The following PRLR variants were observed in gnomAD, a reference collection of about 807,000 sequenced individuals.
PRLR encodes the protein prolactin receptor, also known as hPRL receptor.
Under a neutral mutation model 40.2 loss-of-function variants are expected in PRLR, and 13 were observed. The ratio of observed to expected loss-of-function variants is 0.32; its 90% CI spans 0.21 to 0.51. PRLR has a LOEUF of 0.51. PRLR is among the 20% of genes least tolerant of loss of function. The pLI is 0.97. For missense variants in PRLR, 656 were observed against 747.3 expected (o/e 0.88, Z 1.42); for synonymous variants, 269 against 278.7 (o/e 0.97, Z 0.35).
At chr5:35,169,328 A>C (rs918011835) in intron 1 of PRLR, among the ~76,000 whole-genome samples, 5 of 152,202 alleles carry the variant, frequency 3.3e-5, no homozygotes, top group African/African-American at 1.2e-4. Context: ...TCAGTAAGGC[A>C]AAAATATACT....
chr5:35,224,988 T>C (rs1458866294), intron 1 of PRLR, among the ~76,000 whole-genome samples: 1 of 152,204 alleles, frequency 6.6e-6, no homozygotes, highest in Non-Finnish European at 1.5e-5. Context: ...TGGGACTACT[T>C]TTTGTTCATG....
intron 9 of PRLR, 100 bp downstream of exon 9, chr5:35,068,116 A>G (rs765887535): frequency 5.2e-6 from 6 of 1,158,458 alleles, no homozygotes; most frequent in Non-Finnish European, 6.5e-6. Context: ...AGGCTGGCTG[A>G]AACTACCAGG....
chr5:35,077,281 G>C (rs2112425192), intron 5 of PRLR, among the ~76,000 whole-genome samples: 1 of 152,266 alleles, frequency 6.6e-6, no homozygotes, highest in African/African-American at 2.4e-5. Flanking sequence ...ACCCATCAGT[G>C]TGCTGTATTC....
chr5:35,212,433 A>T (rs1352826432), intron 1 of PRLR, among the ~76,000 whole-genome samples: 2 of 152,248 alleles, frequency 1.3e-5, no homozygotes, highest in Non-Finnish European at 2.9e-5. Context: ...AGATTAGTTG[A>T]AATTAAGGTC....
chr5:35,102,074 C>T (rs1028270241), intron 2 of PRLR, among the ~76,000 whole-genome samples: 4 of 151,980 alleles, frequency 2.6e-5, no homozygotes, highest in South Asian at 2.1e-4. Context: ...GTGATCTACC[C>T]GCCTCGGCCT....
chr5:35,193,045 G>C (rs889994527), intron 1 of PRLR, among the ~76,000 whole-genome samples: 3 of 152,156 alleles, frequency 2.0e-5, no homozygotes, highest in African/African-American at 7.2e-5. Flanking sequence ...AGGAGCAACA[G>C]AGTCACCATG....
chr5:35,049,232 T>G (rs1159615217), exon 9 of PRLR: 2 of 702,538 alleles, frequency 2.8e-6, no homozygotes, highest in Middle Eastern at 2.3e-4. Context: ...GTCCTGTGGT[T>G]GGACAGAGGG....
At chr5:35,210,128 A>C (rs193238371) in intron 1 of PRLR, among the ~76,000 whole-genome samples, 6 of 152,304 alleles carry the variant, frequency 3.9e-5, no homozygotes, top group Admixed American at 2.6e-4. Context: ...GCAGGTACTG[A>C]GAAAATTTTA....
chr5:35,185,085 C>T (rs1338755477), intron 1 of PRLR, among the ~76,000 whole-genome samples: 1 of 152,230 alleles, frequency 6.6e-6, no homozygotes, highest in Non-Finnish European at 1.5e-5. Flanking sequence ...TAGCTTTCAG[C>T]TCTCCTTGGG....
chr5:35,106,557 G>C (rs1475838440), intron 2 of PRLR, among the ~76,000 whole-genome samples: 2 of 151,934 alleles, frequency 1.3e-5, no homozygotes, highest in Non-Finnish European at 2.9e-5. Context: ...GGAAAACAAA[G>C]AAAAGCAGGA....
intron 1 of PRLR, among the ~76,000 whole-genome samples, chr5:35,229,120 T>G (rs1012396474): frequency 1.4e-5 from 2 of 147,742 alleles, no homozygotes; most frequent in African/African-American, 4.9e-5. Flanking sequence ...ATATATTATA[T>G]ATATTTCTAT....
intron 5 of PRLR, among the ~76,000 whole-genome samples, chr5:35,078,515 A>G (rs570970142): frequency 1.5e-3 from 229 of 152,236 alleles, no homozygotes; most frequent in Non-Finnish European, 2.9e-3. Context: ...AAGAAGTTGA[A>G]TCTCTGAATA....
intron 9 of PRLR, among the ~76,000 whole-genome samples, chr5:35,067,615 TG>T (rs1769461705): frequency 6.6e-6 from 1 of 152,214 alleles, no homozygotes; most frequent in Non-Finnish European, 1.5e-5. Context: ...AAAGCCAAAC[TG>T]AAACTATTTA....
chr5:35,157,432 T>C (rs1196563267), intron 1 of PRLR, among the ~76,000 whole-genome samples: 1 of 152,194 alleles, frequency 6.6e-6, no homozygotes, highest in Non-Finnish European at 1.5e-5. Context: ...TCCTGGTTGA[T>C]GAGACAACCC....
In PRLR at chr5:35,065,686, G is replaced by T; in HGVS notation, c.1272C>A (p.His424Gln). The change falls in exon 10 of 10, where the codon CAC becomes CAA. Residue 424 changes from histidine to glutamine, a missense_variant. Around this residue, in one of 3 missense-constraint regions of PRLR, gnomAD observed 469 missense variants for 491.5 expected, o/e 0.95. Coordinates refer to ENST00000618457, the MANE Select transcript of PRLR (RefSeq NM_000949.7). ...STWPLPQPSQ[H>Q]NPRSSYHNIT... ...TATTGTGGTAAGAGGATCTGGGGTT[G>T]TGCTGGCTGGGCTGTGGTAAGGGCC... is the stretch of plus-strand genomic sequence containing the variant. 1.2e-6 allele frequency: 2 copies of T among 1,614,202 alleles called. No individual in the cohort carries two copies. The highest frequency in any genetic ancestry group is 1.7e-6 in the Non-Finnish European group (2 of 1,180,024).
At chr5:35,108,618 G>T (rs1299793695) in intron 2 of PRLR, among the ~76,000 whole-genome samples, 5 of 152,134 alleles carry the variant, frequency 3.3e-5, no homozygotes, top group Non-Finnish European at 7.3e-5. Context: ...ATTCACAATT[G>T]CTTCAAAGAG....
At chr5:35,104,714 G>C (rs1375161582) in intron 2 of PRLR, among the ~76,000 whole-genome samples, 3 of 152,158 alleles carry the variant, frequency 2.0e-5, no homozygotes, top group African/African-American at 7.2e-5. Context: ...GGTAAACAAA[G>C]AGGCCAGGAA....
chr5:35,125,005 A>G (rs1773410230), intron 1 of PRLR, among the ~76,000 whole-genome samples: 1 of 152,214 alleles, frequency 6.6e-6, no homozygotes, highest in South Asian at 2.1e-4. Context: ...AGGCCACAGT[A>G]CTGGTTATTA....
rs187100643 is a variant in PRLR, at chr5:35,134,556, C to T, written c.-105-16434G>A. On this transcript the variant is annotated intron_variant, in intron 1 of 9. Transcript: ENST00000618457. The stretch of plus-strand genomic sequence containing the variant: ...AAAAACATTGCTTGACTACACGATG[C>T]CAAAATGCTGGTCTGTTGTTTTGAC... Among the ~76,000 whole-genome samples, 64 of 152,300 alleles carry T rather than the reference C, an allele frequency of 4.2e-4. No individual in the cohort carries two copies. In the East Asian group the frequency reaches 0.011, roughly 26 times the overall value.
Sources: gnomAD v4.1 joint callset for allele counts (sites outside exome capture counted in the v4.1 genomes callset) on GRCh38, gnomAD v4.1.1 for gene constraint, gnomAD v4.1.1 regional missense constraint, MANE v1.5 for transcripts, NCBI Gene and HGNC (gene_info 2026-07-23, HGNC 2026-07-21) for gene names.